Variants in RBM15B observed in about 807,000 individuals in gnomAD.
RBM15B encodes RNA binding motif protein 15B, also known as putative RNA-binding protein 15B.
A neutral mutation model predicts 53.3 loss-of-function variants in RBM15B; 11 were observed. That is an observed-to-expected ratio of 0.21 (90% confidence interval 0.13 to 0.34). RBM15B has a LOEUF of 0.34. RBM15B is among the 10% of genes least tolerant of loss of function. The probability of loss-of-function intolerance (pLI) is 1.00; values close to 1 mark genes in which losing one functional copy is unlikely to be tolerated. For missense variants in RBM15B, 1,136 were observed against 1,250.3 expected, an observed-to-expected ratio of 0.91 and a Z score of 1.38; for synonymous variants, 631 against 540.7, an observed-to-expected ratio of 1.17 and a Z score of -2.32.
Position 51,392,542 on chromosome 3 carries a change from C to T in RBM15B, c.1143C>T (p.Phe381=), listed in dbSNP as rs782569003. 5.0e-6 allele frequency: 8 copies of T among 1,613,954 alleles called. No homozygotes were observed. The highest frequency in any genetic ancestry group is 4.0e-5 in the African/African-American group (3 of 75,074). The change falls in exon 1 of 1, where the codon TTC becomes TTT. Residue 381 remains phenylalanine (F), a synonymous_variant. Coordinates refer to ENST00000563281, the MANE Select transcript of RBM15B (RefSeq NM_013286.5). The surrounding 1 kb of genome is among the most constrained non-coding windows in gnomAD (Gnocchi z 7.5). The part of the protein sequence containing the change: ...PARGQGGAYA[F]LKFQNLDMAH... ...GTGGCCAGGGCGGTGCCTATGCCTT[C>T]CTCAAGTTCCAGAACCTGGACATGG...
At position 51,393,854 on chromosome 3, in the gene RBM15B, C is replaced by A; in HGVS notation, c.2455C>A (p.Arg819=). The A allele has an allele frequency of 6.3e-7, 1 of 1,590,518 alleles. No homozygotes were observed. Residue 819 remains arginine, a synonymous_variant, in exon 1 of 1, where the codon CGG becomes AGG. Transcript: ENST00000563281. This position sits in a 1 kb window ranked among gnomAD's most constrained non-coding sequence, Gnocchi z 5.6. ...CACAGTAGAGCCCGGTCTGCAGAGG[C>A]GGCTTCTCAGGAACCTGGTCTCCTA... ...MPTVEPGLQR[R]LLRNLVSYLK...
chr3:51,394,084 CTT>C lies in RBM15B; in HGVS notation c.*14_*15del, dbSNP rs1243312556. 7.1e-7 allele frequency: 1 copy of C among 1,411,976 alleles called. No individual in the cohort carries two copies. The highest frequency in any genetic ancestry group is 9.3e-7 in the Non-Finnish European group (1 of 1,078,664). 87.5% of individuals were successfully genotyped at this position (1,411,976 alleles called of 1,614,324 possible). A position where few individuals can be genotyped will look rare whatever the true frequency, so the allele number is the denominator to read the frequency against. ...GAGACACTGCCTAGCCCAAGCCTGT[CTT>C]TCCCAGCGTCATGTTTGTGTCACAA... On this transcript the variant is annotated 3_prime_UTR_variant, in exon 1 of 1. Transcript: ENST00000563281.
rs1276446630 is a variant in RBM15B, at chr3:51,396,531, C to A, written c.*2459C>A. On this transcript the variant is annotated 3_prime_UTR_variant, in exon 1 of 1. Transcript: ENST00000563281. ...ACTTACTTCAGGCATCCAGTGCCCC[C>A]ACCCAGGGTTCAGGCCCTGTCTAAG... 1.2e-5 allele frequency: 2 copies of A among 167,198 alleles called. No individual in the cohort carries two copies. The highest frequency in any genetic ancestry group is 1.5e-5 in the Non-Finnish European group (1 of 68,196). 10.4% of individuals were successfully genotyped at this position (167,198 alleles called of 1,614,324 possible). A position where few individuals can be genotyped will look rare whatever the true frequency, so the allele number is the denominator to read the frequency against.
rs1434136048 is a variant in RBM15B at position 51,391,434 on chromosome 3, G to C, written c.35G>C (p.Ser12Thr). ...KRQSERDSSP[S>T]GRGSSSSAKR... ...CAGAGCGAGCGAGACTCTAGCCCGA[G>C]CGGGCGCGGCTCGTCATCGTCCGCC... The change falls in exon 1 of 1, where the codon AGC becomes ACC. Residue 12 changes from serine (S) to threonine (T), a missense_variant. By Grantham distance (58) the Ser-to-Thr change is moderately conservative. Transcript: ENST00000563281. This position sits in a 1 kb window ranked among gnomAD's most constrained non-coding sequence, Gnocchi z 4.5. 3 of 1,272,754 alleles carry C rather than the reference G, an allele frequency of 2.4e-6. No individual in the cohort carries two copies. Among genetic ancestry groups the C allele is most frequent in the African/African-American group, 1.6e-5 (1 of 63,646 alleles). The allele number at this position is 1,272,754 out of a possible 1,614,324, so 78.8% of individuals were successfully genotyped here.
chr3:51,395,608 AG>A lies in RBM15B; in HGVS notation c.*1537del, dbSNP rs1377663555. The A allele has an allele frequency of 2.5e-6, 1 of 406,674 alleles. No homozygotes were observed. Among genetic ancestry groups the A allele is most frequent in the African/African-American group, 2.1e-5 (1 of 48,496 alleles). The allele number at this position is 406,674 out of a possible 1,614,324, so 25.2% of individuals were successfully genotyped here. On this transcript the variant is annotated 3_prime_UTR_variant, in exon 1 of 1. Transcript: ENST00000563281. ...GAACAGAAGCTCTGGTAAGCGAATG[AG>A]CCCCTAGATGATAACCAGGAACTCC...
At position 51,392,004 on chromosome 3, in the gene RBM15B, C is replaced by A. The variant is rs2089045875; in HGVS notation, c.605C>A (p.Ala202Asp). ...CGCGAGGCCCGCCAGCACGCCCTGG[C>A]CCGGCAGCTGCTGCTCTACGACCGC... ...DAREARQHAL[A>D]RQLLLYDRPL... The change falls in exon 1 of 1, where the codon GCC (alanine) becomes GAC (aspartate). Residue 202 changes from alanine (A) to aspartate (D), a missense_variant. This residue lies in a region of RBM15B where 204 missense variants were observed against 196.8 expected (regional missense o/e 1.04). Coordinates refer to ENST00000563281, the MANE Select transcript of RBM15B (RefSeq NM_013286.5). The surrounding 1 kb of genome is among the most constrained non-coding windows in gnomAD (Gnocchi z 7.5). The A allele has an allele frequency of 6.3e-7, 1 of 1,598,416 alleles. No homozygotes were observed. Among genetic ancestry groups the A allele is most frequent in the African/African-American group, 1.3e-5 (1 of 74,290 alleles).
At position 51,394,744 on chromosome 3, in the gene RBM15B, G is replaced by GT. The variant is rs1165561907; in HGVS notation, c.*675dup. 6.0e-6 allele frequency: 1 copy of GT among 166,994 alleles called. No homozygotes were observed. The highest frequency in any genetic ancestry group is 1.5e-5 in the Non-Finnish European group (1 of 68,172). The allele number at this position is 166,994 out of a possible 1,614,324, so 10.3% of individuals were successfully genotyped here. ...ATCATCATCAGTTTGAGCTGTGGCT[G>GT]TTTGTTTGGGACAGAGTGCCCACTC... On this transcript the variant is annotated 3_prime_UTR_variant, in exon 1 of 1. Transcript: ENST00000563281.
In RBM15B at chr3:51,391,492, G is replaced by A. The variant is rs1229057643; in HGVS notation, c.93G>A (p.Glu31=). The change falls in exon 1 of 1, where the codon GAG becomes GAA. Residue 31 remains glutamate (E), a synonymous_variant. Coordinates refer to ENST00000563281, the MANE Select transcript of RBM15B (RefSeq NM_013286.5). The surrounding 1 kb of genome is among the most constrained non-coding windows in gnomAD (Gnocchi z 4.5). The part of the protein sequence containing the change: ...KRPREREREA[E]AGGRRAAHKA... Reference sequence around the variant, plus strand: ...CGCGGGAGCGCGAACGGGAGGCGGAGGCGGGCGGGCGGCGGGCGGCGCACA... The same window carrying A: ...CGCGGGAGCGCGAACGGGAGGCGGAAGCGGGCGGGCGGCGGGCGGCGCACA... The A allele has an allele frequency of 1.1e-5, 14 of 1,226,848 alleles. No homozygotes were observed. The East Asian group carries it at 3.9e-4, about 34-fold the overall frequency. The allele number at this position is 1,226,848 out of a possible 1,614,324, so 76.0% of individuals were successfully genotyped here. A position where few individuals can be genotyped will look rare whatever the true frequency, so the allele number is the denominator to read the frequency against.
chr3:51,392,434 C>T lies in RBM15B; in HGVS notation c.1035C>T (p.Asp345=). The T allele has an allele frequency of 6.2e-7, 1 of 1,614,020 alleles. No homozygotes were observed. The highest frequency in any genetic ancestry group is 8.5e-7 in the Non-Finnish European group (1 of 1,180,032). Residue 345 remains aspartate (D), a synonymous_variant, in exon 1 of 1, where the codon GAC becomes GAT. Coordinates refer to ENST00000563281, the MANE Select transcript of RBM15B (RefSeq NM_013286.5). This position sits in a 1 kb window ranked among gnomAD's most constrained non-coding sequence, Gnocchi z 7.5. ...ATRNLFIGNL[D]HSVSEVELRR... The stretch of plus-strand genomic sequence containing the variant: ...GCAACCTCTTCATTGGTAACCTGGA[C>T]CACAGCGTATCTGAGGTGGAGCTGC...
rs373266872 is a variant in RBM15B, at chr3:51,392,029, C to T, written c.630C>T (p.Arg210=). 11 of 1,597,462 alleles carry T rather than the reference C, an allele frequency of 6.9e-6. No homozygotes were observed. Among genetic ancestry groups the T allele is most frequent in the African/African-American group, 1.3e-5 (1 of 74,302 alleles). ...CCCGGCAGCTGCTGCTCTACGACCG[C>T]CCGCTCAAGGTAGAGCCCGTGTACC... The part of the protein sequence containing the change: ...ALARQLLLYD[R]PLKVEPVYLR... Residue 210 remains arginine, a synonymous_variant, in exon 1 of 1, where the codon CGC becomes CGT. Coordinates refer to ENST00000563281, the MANE Select transcript of RBM15B (RefSeq NM_013286.5). The surrounding 1 kb of genome is among the most constrained non-coding windows in gnomAD (Gnocchi z 7.5).
rs782430644 is a variant in RBM15B, at chr3:51,394,059, G to C, written c.2660G>C (p.Arg887Thr). The C allele has an allele frequency of 1.4e-6, 2 of 1,455,270 alleles. No homozygotes were observed. Among genetic ancestry groups the C allele is most frequent in the Non-Finnish European group, 1.8e-6 (2 of 1,102,346 alleles). The allele number at this position is 1,455,270 out of a possible 1,614,324, so 90.1% of individuals were successfully genotyped here. The change falls in exon 1 of 1, where the codon AGA (arginine) becomes ACA (threonine). Residue 887 changes from arginine (R) to threonine (T), a missense_variant. This residue lies in a region of RBM15B where 578 missense variants were observed against 581.6 expected (regional missense o/e 0.99). Coordinates refer to ENST00000563281, the MANE Select transcript of RBM15B (RefSeq NM_013286.5). The part of the protein sequence containing the change: ...EEEHMVIVIV[R>T]DTA The stretch of plus-strand genomic sequence containing the variant: ...GAACACATGGTGATAGTCATCGTCA[G>C]AGACACTGCCTAGCCCAAGCCTGTC...
rs367679113 is a variant in RBM15B, at chr3:51,393,006, T to G, written c.1607T>G (p.Leu536Arg). 1.2e-5 allele frequency: 20 copies of G among 1,613,652 alleles called. No homozygotes were observed. The highest frequency in any genetic ancestry group is 1.7e-5 in the Non-Finnish European group (20 of 1,179,978). The change falls in exon 1 of 1, where the codon CTT becomes CGT. Residue 536 changes from leucine (L) to arginine (R), a missense_variant. Physicochemically the swap from Leu to Arg is moderately radical, Grantham distance 102. This residue lies in a region of RBM15B where 578 missense variants were observed against 581.6 expected (regional missense o/e 0.99). Coordinates refer to ENST00000563281, the MANE Select transcript of RBM15B (RefSeq NM_013286.5). The surrounding 1 kb of genome is among the most constrained non-coding windows in gnomAD (Gnocchi z 5.6). ...GTGCGGGACAGGACGCCCCCACACCTTCTGTACTCAGACCGAGACCGGACT... is the reference window on the plus strand; with the variant it reads ...GTGCGGGACAGGACGCCCCCACACCGTCTGTACTCAGACCGAGACCGGACT... ...DLVRDRTPPH[L>R]LYSDRDRTFL...
At position 51,396,476 on chromosome 3, in the gene RBM15B, T is replaced by C. The variant is rs1431333686; in HGVS notation, c.*2404T>C. On this transcript the variant is annotated 3_prime_UTR_variant, in exon 1 of 1. Transcript: ENST00000563281. The stretch of plus-strand genomic sequence containing the variant: ...GGTCAGGTGGTCAATGTCCTGGTGA[T>C]TTTATGAGACTGCCCCACTGAGAAA... The C allele has an allele frequency of 6.0e-6, 1 of 166,732 alleles. No homozygotes were observed. The highest frequency in any genetic ancestry group is 6.6e-5 in the Admixed American group (1 of 15,170). 10.3% of individuals were successfully genotyped at this position (166,732 alleles called of 1,614,324 possible). A position where few individuals can be genotyped will look rare whatever the true frequency, so the allele number is the denominator to read the frequency against.
At position 51,392,183 on chromosome 3, in the gene RBM15B, A is replaced by G. The variant is rs782209691; in HGVS notation, c.784A>G (p.Lys262Glu). ...CCCGCTACACGGAGGCTACCAGTAC[A>G]AGCAGCGCTCGCTGTCCCCCGTCGC... ...YLPLHGGYQY[K>E]QRSLSPVAAP... Residue 262 changes from lysine (K) to glutamate (E), a missense_variant, in exon 1 of 1, where the codon AAG becomes GAG. Physicochemically the swap from Lys to Glu is moderately conservative, Grantham distance 56 (BLOSUM62 1). This residue lies in a region of RBM15B where 204 missense variants were observed against 196.8 expected (regional missense o/e 1.04). Coordinates refer to ENST00000563281, the MANE Select transcript of RBM15B (RefSeq NM_013286.5). The surrounding 1 kb of genome is among the most constrained non-coding windows in gnomAD (Gnocchi z 7.5). 8 of 1,540,016 alleles carry G rather than the reference A, an allele frequency of 5.2e-6. No individual in the cohort carries two copies. The South Asian group carries it at 9.4e-5, about 18-fold the overall frequency.
chr3:51,391,870 C>T lies in RBM15B; in HGVS notation c.471C>T (p.Asp157=). The T allele has an allele frequency of 6.2e-7, 1 of 1,603,902 alleles. No individual in the cohort carries two copies. The highest frequency in any genetic ancestry group is 8.5e-7 in the Non-Finnish European group (1 of 1,179,434). ...CGCTGCCCGCCGAGCACCTCGAGGACCGGCTCTTCCACCAGTTCAAGCGCT... is the reference window on the plus strand; with the variant it reads ...CGCTGCCCGCCGAGCACCTCGAGGATCGGCTCTTCCACCAGTTCAAGCGCT... ...SPALPAEHLE[D]RLFHQFKRFG... The change falls in exon 1 of 1, where the codon GAC becomes GAT. Residue 157 remains aspartate (D), a synonymous_variant. Coordinates refer to ENST00000563281, the MANE Select transcript of RBM15B (RefSeq NM_013286.5). The surrounding 1 kb of genome is among the most constrained non-coding windows in gnomAD (Gnocchi z 4.5).
At position 51,393,390 on chromosome 3, in the gene RBM15B, GCCA is replaced by G. The variant is rs781896764; in HGVS notation, c.2008_2010del (p.His670del). On this transcript the variant is annotated inframe_deletion, in exon 1 of 1. Coordinates refer to ENST00000563281, the MANE Select transcript of RBM15B (RefSeq NM_013286.5). This position sits in a 1 kb window ranked among gnomAD's most constrained non-coding sequence, Gnocchi z 5.6. Reference sequence around the variant, plus strand: ...AGCAGACATGGGGCTGAGGAACGGGGCCACCACCACCACCACCACGAGGCTGCA... The same window carrying G: ...AGCAGACATGGGGCTGAGGAACGGGGCCACCACCACCACCACGAGGCTGCA... 6.0e-5 allele frequency: 96 copies of G among 1,611,328 alleles called. No homozygotes were observed. The highest frequency in any genetic ancestry group is 8.0e-5 in the African/African-American group (6 of 74,766).
Position 51,393,926 on chromosome 3 carries a change from G to C in RBM15B, c.2527G>C (p.Gly843Arg). 1 of 1,537,184 alleles carries C rather than the reference G, an allele frequency of 6.5e-7. No individual in the cohort carries two copies. The highest frequency in any genetic ancestry group is 1.3e-5 in the South Asian group (1 of 78,342). Residue 843 changes from glycine (G) to arginine (R), a missense_variant, in exon 1 of 1, where the codon GGG becomes CGG. Coordinates refer to ENST00000563281, the MANE Select transcript of RBM15B (RefSeq NM_013286.5). The surrounding 1 kb of genome is among the most constrained non-coding windows in gnomAD (Gnocchi z 5.6). ...AAGVISLPVG[G>R]SKGRDGTGML... The stretch of plus-strand genomic sequence containing the variant: ...AGGGGTGATCAGCTTGCCAGTGGGG[G>C]GGTCCAAGGGCAGAGACGGCACAGG...
rs1164640309 is a variant in RBM15B at position 51,391,624 on chromosome 3, C to A, written c.225C>A (p.Asp75Glu). Residue 75 changes from aspartate (D) to glutamate (E), a missense_variant, in exon 1 of 1, where the codon GAC becomes GAA. Physicochemically the swap from Asp to Glu is conservative, Grantham distance 45. Coordinates refer to ENST00000563281, the MANE Select transcript of RBM15B (RefSeq NM_013286.5). The surrounding 1 kb of genome is among the most constrained non-coding windows in gnomAD (Gnocchi z 4.5). Reference protein sequence around the residue: ...GGHRDGRGTGDANHRASSGRS... With the variant: ...GGHRDGRGTGEANHRASSGRS... ...ATCGCGACGGCCGCGGCACCGGGGA[C>A]GCGAATCACCGCGCGAGTAGCGGGC... 29 of 1,186,568 alleles carry A rather than the reference C, an allele frequency of 2.4e-5. No homozygotes were observed. Among genetic ancestry groups the A allele is most frequent in the South Asian group, 4.2e-5 (1 of 24,040 alleles). 73.5% of individuals were successfully genotyped at this position (1,186,568 alleles called of 1,614,324 possible).
Position 51,394,952 on chromosome 3 carries a change from C to T in RBM15B, c.*880C>T, listed in dbSNP as rs1433223722. ...TGGGAGACAGAGTTGCCTCAGGTTC[C>T]CAGGGGCCCGGGAGTCCAAATACTG... On this transcript the variant is annotated 3_prime_UTR_variant, in exon 1 of 1. Coordinates refer to ENST00000563281, the MANE Select transcript of RBM15B (RefSeq NM_013286.5). 5 of 167,250 alleles carry T rather than the reference C, an allele frequency of 3.0e-5. No homozygotes were observed. Among genetic ancestry groups the T allele is most frequent in the African/African-American group, 1.2e-4 (5 of 41,450 alleles). The allele number at this position is 167,250 out of a possible 1,614,324, so 10.4% of individuals were successfully genotyped here.
Sources: gnomAD v4.1 joint callset for allele counts on GRCh38, gnomAD v4.1.1 for gene constraint, gnomAD v4.1.1 regional missense constraint, Gnocchi (gnomAD v3.1) non-coding constraint, MANE v1.5 for transcripts, NCBI Gene and HGNC (gene_info 2026-07-23, HGNC 2026-07-21) for gene names.